Variants in C16orf96 observed in about 807,000 individuals in gnomAD.
C16orf96 encodes chromosome 16 open reading frame 96.
C16orf96 carries 108 observed loss-of-function variants against 103.6 expected under a neutral mutation model. The observed-to-expected ratio is 1.04, with a 90% confidence interval of 0.89 to 1.22. The LOEUF is 1.22. C16orf96 is among the 50% of genes most tolerant of loss of function. The pLI, the probability that C16orf96 is intolerant of heterozygous loss-of-function variation, is 0.00. For synonymous variants in C16orf96, 566 were observed against 593.5 expected (o/e 0.95, Z 0.67); for missense variants, 1,586 against 1,464.2 (o/e 1.08, Z -1.36).
At chr16:4,562,508 T>C (rs140633622) in intron 1 of C16orf96, among the ~76,000 whole-genome samples, 6 of 152,154 alleles carry the variant, frequency 3.9e-5, no homozygotes, top group African/African-American at 1.4e-4. Flanking sequence ...TGCAAGTTCT[T>C]TTATATATTT....
chr16:4,587,190 A>C, intron 8 of C16orf96, 77 bp downstream of exon 8: 1 of 1,331,144 alleles, frequency 7.5e-7, no homozygotes, highest in Non-Finnish European at 1.1e-6. Flanking sequence ...AAGCCCACCA[A>C]AGAGTCTTCC....
intron 5 of C16orf96, among the ~76,000 whole-genome samples, chr16:4,577,274 G>A (rs998054681): frequency 5.9e-5 from 9 of 152,200 alleles, no homozygotes; most frequent in Non-Finnish European, 1.0e-4. Context: ...ACTCATGCCT[G>A]TAATCTTAGC....
At chr16:4,546,525 G>A in the C16orf96 span, among the ~76,000 whole-genome samples, 1 of 149,120 alleles carries the variant, frequency 6.7e-6, no homozygotes, top group Non-Finnish European at 1.5e-5. Context: ...GTGCAGTGGC[G>A]GCAATCATGG....
At chr16:4,575,118 G>A in intron 4 of C16orf96, 56 bp from the exon 5 acceptor site, 1 of 1,549,002 alleles carries the variant, frequency 6.5e-7, no homozygotes, top group Non-Finnish European at 8.7e-7. Flanking sequence ...GTGGCTGACT[G>A]AGAGTGGGAG....
intron 5 of C16orf96, among the ~76,000 whole-genome samples, chr16:4,578,462 A>T (rs1476325167): frequency 1.3e-5 from 2 of 152,064 alleles, no homozygotes; most frequent in Non-Finnish European, 2.9e-5. Context: ...TTTTTTAATT[A>T]ATTTAAAAAC....
At chr16:4,594,836 G>A in intron 14 of C16orf96, 33 bp downstream of exon 14, 1 of 1,543,396 alleles carries the variant, frequency 6.5e-7, no homozygotes, top group Non-Finnish European at 8.8e-7. Flanking sequence ...GGGCACCCTT[G>A]CCTGGGGCCC....
intron 7 of C16orf96, among the ~76,000 whole-genome samples, chr16:4,583,257 T>A (rs1896835867): frequency 6.6e-6 from 1 of 150,448 alleles, no homozygotes; most frequent in Non-Finnish European, 1.5e-5. Context: ...TCTCAGCACT[T>A]TGGGAGGCCA....
intron 1 of C16orf96, among the ~76,000 whole-genome samples, chr16:4,563,531 C>A (rs1003057903): frequency 3.9e-5 from 6 of 152,064 alleles, no homozygotes; most frequent in African/African-American, 1.4e-4. Flanking sequence ...GGATTACAGG[C>A]TTGAGCCACT....
intron 1 of C16orf96, among the ~76,000 whole-genome samples, chr16:4,567,692 CTTTTTTT>C (rs60143866): frequency 2.2e-5 from 1 of 44,562 alleles, no homozygotes; most frequent in South Asian, 1.7e-3. Context: ...CTTCTGTTGC[CTTTTTTT>C]TTTTTTTTTT....
intron 1 of C16orf96, among the ~76,000 whole-genome samples, chr16:4,559,278 C>G (rs2059302264): frequency 6.6e-6 from 1 of 151,412 alleles, no homozygotes; most frequent in East Asian, 1.9e-4. Flanking sequence ...TGTGGTGGCT[C>G]ACACCTGTAA....
At chr16:4,578,352 A>G (rs2059539193) in intron 5 of C16orf96, among the ~76,000 whole-genome samples, 1 of 152,044 alleles carries the variant, frequency 6.6e-6, no homozygotes, top group African/African-American at 2.4e-5. Flanking sequence ...CATTTTGGCC[A>G]GGCTGGTCTC....
At chr16:4,599,611 G>T (rs185407954) in intron 15 of C16orf96, among the ~76,000 whole-genome samples, 1 of 152,264 alleles carries the variant, frequency 6.6e-6, no homozygotes, top group Non-Finnish European at 1.5e-5. Flanking sequence ...GGGAACTGAG[G>T]TTGGAAGGAA....
In C16orf96 at chr16:4,575,240, C is replaced by CA. The variant is rs1883529681; in HGVS notation, c.761dup (p.Thr255AspfsTer6). The stretch of plus-strand genomic sequence containing the variant: ...GCAGCTCCCAGAGGCTGCCCTGGCC[C>CA]AGACCACCAAGTACCTTGAAGCTAC... On this transcript the variant is annotated frameshift_variant, in exon 5 of 16. Coordinates refer to ENST00000444310, the MANE Select transcript of C16orf96 (RefSeq NM_001145011.2). LOFTEE classifies it high-confidence loss of function. 1.3e-6 allele frequency: 2 copies of CA among 1,548,976 alleles called. No homozygotes were observed. The highest frequency in any genetic ancestry group is 1.7e-6 in the Non-Finnish European group (2 of 1,146,964).
the C16orf96 span, among the ~76,000 whole-genome samples, chr16:4,540,139 G>C: frequency 6.6e-6 from 1 of 152,176 alleles, no homozygotes. Flanking sequence ...CCACTGGGTG[G>C]CTACTTGCTC....
upstream of C16orf96, among the ~76,000 whole-genome samples, chr16:4,552,779 T>C (rs1347786489): frequency 6.6e-6 from 1 of 152,200 alleles, no homozygotes; most frequent in East Asian, 1.9e-4. Context: ...TTCTGCTCTG[T>C]CAGAGCAGAT....
In C16orf96 at chr16:4,596,540, G is replaced by C. The variant is rs185276538; in HGVS notation, c.3127+1737G>C. On this transcript the variant is annotated intron_variant, in intron 14 of 15. Transcript: ENST00000444310. The stretch of plus-strand genomic sequence containing the variant: ...CAGCTGGGCAACAACAAATTAGCTG[G>C]GCATGGTGGCGTGCGCCTGTAGTCC... 2.3e-3 allele frequency among the ~76,000 whole-genome samples: 351 copies of C among 151,830 alleles called. 6 individuals are homozygous for C. The highest frequency in any genetic ancestry group is 8.2e-3 in the African/African-American group (341 of 41,354).
chr16:4,600,333 G>A lies in C16orf96; in HGVS notation c.*16G>A, dbSNP rs779780922. The A allele has an allele frequency of 2.1e-5, 32 of 1,499,894 alleles. No homozygotes were observed. The highest frequency in any genetic ancestry group is 2.2e-4 in the Middle Eastern group (1 of 4,556). 92.9% of individuals were successfully genotyped at this position (1,499,894 alleles called of 1,614,324 possible). A position where few individuals can be genotyped will look rare whatever the true frequency, so the allele number is the denominator to read the frequency against. ...CAACCCGTGAGCCCCACCCCGCTGC[G>A]CCCCCCATCGCCAAGTCCCCTCCAC... On this transcript the variant is annotated 3_prime_UTR_variant, in exon 16 of 16. Coordinates refer to ENST00000444310, the MANE Select transcript of C16orf96 (RefSeq NM_001145011.2).
At chr16:4,577,523 C>A (rs1009546878) in intron 5 of C16orf96, among the ~76,000 whole-genome samples, 2 of 150,746 alleles carry the variant, frequency 1.3e-5, no homozygotes, top group African/African-American at 4.9e-5. Flanking sequence ...TGGTGGCGGG[C>A]GCCTGTAGTC....
intron 14 of C16orf96, among the ~76,000 whole-genome samples, chr16:4,597,801 C>T (rs1395100507): frequency 6.6e-6 from 1 of 152,198 alleles, no homozygotes; most frequent in Non-Finnish European, 1.5e-5. Context: ...AAGTGACCCA[C>T]CTGTCTCAGC....
Sources: allele counts gnomAD v4.1 joint callset (sites outside exome capture counted in the v4.1 genomes callset), GRCh38; gene constraint gnomAD v4.1.1; transcripts MANE v1.5; gene names NCBI Gene and HGNC (gene_info 2026-07-23, HGNC 2026-07-21).